Variants in UCP1 observed in about 807,000 individuals in gnomAD.
UCP1 encodes the protein uncoupling protein 1.
A neutral mutation model predicts 26.2 loss-of-function variants in UCP1; 24 were observed. The ratio of observed to expected loss-of-function variants is 0.92; its 90% confidence interval spans 0.66 to 1.29. UCP1 has a LOEUF of 1.29. Among genes scored for constraint, UCP1 ranks in the 50% most tolerant of loss-of-function variants. The pLI, the probability that UCP1 is intolerant of heterozygous loss-of-function variation, is 0.00. For synonymous variants in UCP1, 164 were observed against 156.8 expected, an observed-to-expected ratio of 1.05 and a Z score of -0.34; for missense variants, 402 against 388.7, an observed-to-expected ratio of 1.03 and a Z score of -0.29.
chr4:140,568,117 GT>G, intron 1 of UCP1, 140 bp from the exon 2 acceptor site: 1 of 289,946 alleles, frequency 3.4e-6, no homozygotes, highest in South Asian at 4.7e-5. Flanking sequence ...CCGTGTGTGT[GT>G]GTGTGTGTGT....
intron 5 of UCP1, 52 bp from the exon 6 acceptor site, chr4:140,560,062 TTAA>T: frequency 6.6e-7 from 1 of 1,518,470 alleles, no homozygotes; most frequent in Non-Finnish European, 9.1e-7. Context: ...TTTTTTTTTT[TTAA>T]TTTTTGAGAT....
At chr4:140,563,911 T>C (rs575998718) in intron 2 of UCP1, among the ~76,000 whole-genome samples, 1 of 152,310 alleles carries the variant, frequency 6.6e-6, no homozygotes, top group South Asian at 2.1e-4. Context: ...CTGGCCCATA[T>C]TTTTGTATTC....
At chr4:140,560,115 T>C in intron 5 of UCP1, 105 bp from the exon 6 acceptor site, 2 of 932,968 alleles carry the variant, frequency 2.1e-6, no homozygotes, top group Non-Finnish European at 3.4e-6. Flanking sequence ...TGCAGTAGTG[T>C]AATCATAGCT....
At chr4:140,560,049 A>T (rs879147826) in intron 5 of UCP1, 39 bp from the exon 6 acceptor site, 6 of 1,255,722 alleles carry the variant, frequency 4.8e-6, no homozygotes, top group Non-Finnish European at 5.6e-6. Context: ...AATTTGTTTG[A>T]TTTTTTTTTT....
rs1036130574 is a variant in UCP1, at chr4:140,559,773, C to G, written c.*123G>C. The G allele has an allele frequency of 3.0e-5, 29 of 969,026 alleles. No individual in the cohort carries two copies. Among genetic ancestry groups the G allele is most frequent in the Non-Finnish European group, 4.3e-5 (28 of 650,946 alleles). The allele number at this position is 969,026 out of a possible 1,614,324, so 60.0% of individuals were successfully genotyped here. ...TTCCTCTTTTTTATATAAAAAAGTC[C>G]AAAATTCTCTGCCAAAATTCCTTTA... On this transcript the variant is annotated 3_prime_UTR_variant, in exon 6 of 6. Coordinates refer to ENST00000262999, the MANE Select transcript of UCP1 (RefSeq NM_021833.5).
In UCP1 at chr4:140,563,197, G is replaced by A. The variant is rs188223067; in HGVS notation, c.541C>T (p.Leu181=). The change falls in exon 4 of 6, where the codon CTG becomes TTG. Residue 181 remains leucine (L), a synonymous_variant. Transcript: ENST00000262999. Reference sequence around the variant, plus strand: ...CAATTGATGATGACACTTCTCATCAGATTGGGAGTAGTCCCTGGGGAAAAA... The same window carrying A: ...CAATTGATGATGACACTTCTCATCAAATTGGGAGTAGTCCCTGGGGAAAAA... ...TGLWKGTTPN[L]MRSVIINCTE... 2.4e-5 allele frequency: 38 copies of A among 1,612,610 alleles called. 2 individuals carry two copies. The East Asian group carries it at 3.6e-4, about 15-fold the overall frequency.
rs565496720 is a variant in UCP1 at position 140,562,349 on chromosome 4, G to T, written c.653C>A (p.Ser218Ter). ...LADDVPCHLVSALIAGFCATA... is the reference protein window; with the variant it reads ...LADDVPCHLV ...TGCGCAAAATCCAGCGATAAGAGCC[G>T]ACACCAAGTGGCAGGGGACGTCATC... The change falls in exon 5 of 6, where the codon TCG (serine) becomes TAG (stop). Residue 218 changes from serine (S) to a stop codon, truncating the protein, a stop_gained. Coordinates refer to ENST00000262999, the MANE Select transcript of UCP1 (RefSeq NM_021833.5). LOFTEE classifies it high-confidence loss of function. 6.2e-7 allele frequency: 1 copy of T among 1,613,930 alleles called. No homozygotes were observed. The highest frequency in any genetic ancestry group is 2.2e-5 in the East Asian group (1 of 44,894).
intron 2 of UCP1, among the ~76,000 whole-genome samples, chr4:140,565,595 G>A (rs149419054): frequency 6.6e-6 from 1 of 152,070 alleles, no homozygotes; most frequent in Non-Finnish European, 1.5e-5. Context: ...GCTCCCTCCT[G>A]TCTCTGTGGC....
rs375694859 is a variant in UCP1 at position 140,567,899 on chromosome 4, C to T, written c.205G>A (p.Glu69Lys). ...LGTITAVVKT[E>K]GRMKLYSGLP... ...CCGCTGTAGAGTTTCATCCGCCCTT[C>T]TGTTTTTACCACAGCGGTGATTGTT... The change falls in exon 2 of 6, where the codon GAA becomes AAA. Residue 69 changes from glutamate (E) to lysine (K), a missense_variant. Transcript: ENST00000262999. 1.3e-4 allele frequency: 216 copies of T among 1,614,210 alleles called. 4 individuals carry two copies. The Middle Eastern group carries it at 2.3e-3, about 17-fold the overall frequency.
At chr4:140,566,347 C>T (rs1490969960) in intron 2 of UCP1, among the ~76,000 whole-genome samples, 1 of 152,186 alleles carries the variant, frequency 6.6e-6, no homozygotes, top group Non-Finnish European at 1.5e-5. Context: ...TCAATAAAGC[C>T]TACTAAATAA....
intron 2 of UCP1, among the ~76,000 whole-genome samples, chr4:140,567,031 G>A (rs1735815426): frequency 6.6e-6 from 1 of 152,132 alleles, no homozygotes; most frequent in Admixed American, 6.5e-5. Context: ...AAGGGATAAT[G>A]GTACTAATAC....
In UCP1 at chr4:140,568,646, G is replaced by C; in HGVS notation, c.84C>G (p.Asp28Glu). 1 of 1,612,610 alleles carries C rather than the reference G, an allele frequency of 6.2e-7. No homozygotes were observed. The highest frequency in any genetic ancestry group is 1.1e-5 in the South Asian group (1 of 90,452). Reference protein sequence around the residue: ...FSAGIAACLADVITFPLDTAK... With the variant: ...FSAGIAACLAEVITFPLDTAK... Reference sequence around the variant, plus strand: ...CCGTGTCCAGCGGGAAGGTGATCACGTCCGCCAAGCACGCCGCTATTCCAG... The same window carrying C: ...CCGTGTCCAGCGGGAAGGTGATCACCTCCGCCAAGCACGCCGCTATTCCAG... Residue 28 changes from aspartate (D) to glutamate (E), a missense_variant, in exon 1 of 6, where the codon GAC becomes GAG. Asp to Glu is a conservative substitution (Grantham distance 45). Coordinates refer to ENST00000262999, the MANE Select transcript of UCP1 (RefSeq NM_021833.5).
intron 5 of UCP1, 46 bp from the exon 6 acceptor site, chr4:140,560,056 T>G: frequency 6.5e-7 from 1 of 1,547,426 alleles, no homozygotes; most frequent in Non-Finnish European, 8.9e-7. Flanking sequence ...TTGATTTTTT[T>G]TTTTTTTAAT....
chr4:140,568,632 G>C lies in UCP1; in HGVS notation c.98C>G (p.Pro33Arg), dbSNP rs1432067460. 1 of 1,613,246 alleles carries C rather than the reference G, an allele frequency of 6.2e-7. No homozygotes were observed. The highest frequency in any genetic ancestry group is 8.5e-7 in the Non-Finnish European group (1 of 1,179,862). The stretch of plus-strand genomic sequence containing the variant: ...GAGCCGGACTTTGGCCGTGTCCAGC[G>C]GGAAGGTGATCACGTCCGCCAAGCA... ...AACLADVITFPLDTAKVRLQV... is the reference protein window; with the variant it reads ...AACLADVITFRLDTAKVRLQV... The change falls in exon 1 of 6, where the codon CCG becomes CGG. Residue 33 changes from proline to arginine, a missense_variant. Transcript: ENST00000262999.
At chr4:140,563,667 G>A in intron 2 of UCP1, 149 bp from the exon 3 acceptor site, 1 of 751,796 alleles carries the variant, frequency 1.3e-6, no homozygotes, top group Non-Finnish European at 2.1e-6. Context: ...GAGTGCAGTG[G>A]TGTGATCTTG....
intron 5 of UCP1, among the ~76,000 whole-genome samples, chr4:140,560,872 A>G (rs1735663537): frequency 6.6e-6 from 1 of 152,124 alleles, no homozygotes; most frequent in Non-Finnish European, 1.5e-5. Context: ...TCTACCCATT[A>G]AACAGCTCTC....
At chr4:140,563,075 T>C (rs1735713125) in intron 4 of UCP1, 35 bp downstream of exon 4, 1 of 1,534,180 alleles carries the variant, frequency 6.5e-7, no homozygotes, top group African/African-American at 1.4e-5. Context: ...CTTCTAAAGG[T>C]GCAGACCTGT....
intron 5 of UCP1, among the ~76,000 whole-genome samples, chr4:140,561,347 T>G (rs939967932): frequency 6.6e-6 from 1 of 152,104 alleles, no homozygotes; most frequent in Non-Finnish European, 1.5e-5. Context: ...CTGTATTTTC[T>G]CCTCCTTCTC....
At position 140,568,909 on chromosome 4, in the gene UCP1, G is replaced by GGACTC; in HGVS notation, c.-181_-180insGAGTC. 1.1e-6 allele frequency: 1 copy of GGACTC among 898,460 alleles called. No homozygotes were observed. Among genetic ancestry groups the GGACTC allele is most frequent in the East Asian group, 2.7e-5 (1 of 37,382 alleles). The allele number at this position is 898,460 out of a possible 1,614,324, so 55.7% of individuals were successfully genotyped here. A position where few individuals can be genotyped will look rare whatever the true frequency, so the allele number is the denominator to read the frequency against. On this transcript the variant is annotated 5_prime_UTR_variant, in exon 1 of 6. Transcript: ENST00000262999. Reference sequence around the variant, plus strand: ...GGCTGCAGACGGAGCGCGGTGTTGGGGGCCGAGTCCCCGCGTCCCCTCCTA... The same window carrying GGACTC: ...GGCTGCAGACGGAGCGCGGTGTTGGGGACTCGGCCGAGTCCCCGCGTCCCCTCCTA...
Sources: allele counts gnomAD v4.1 joint callset (sites outside exome capture counted in the v4.1 genomes callset), GRCh38; gene constraint gnomAD v4.1.1; transcripts MANE v1.5; gene names NCBI Gene and HGNC (gene_info 2026-07-23, HGNC 2026-07-21).